Variants in R3HDM1 observed in about 807,000 individuals in gnomAD.
The protein encoded by R3HDM1 is R3H domain containing 1, also known as R3H domain-containing protein 1.
In R3HDM1, 46 loss-of-function variants were observed where a neutral mutation model predicts 141.1. That is an observed-to-expected ratio of 0.33 (90% CI 0.26 to 0.42). R3HDM1 has a LOEUF of 0.42. Ranked by LOEUF, R3HDM1 falls within the 10% of genes least tolerant of loss-of-function variation. The pLI, the probability that R3HDM1 is intolerant of heterozygous loss-of-function variation, is 1.00. For synonymous variants in R3HDM1, 435 were observed against 472.9 expected, an observed-to-expected ratio of 0.92 and a Z score of 1.04; for missense variants, 1,184 against 1,368.3, an observed-to-expected ratio of 0.87 and a Z score of 2.12.
At chr2:135,551,486 G>GA (rs57078486) in intron 1 of R3HDM1, among the ~76,000 whole-genome samples, 6,376 of 148,568 alleles carry the variant, frequency 0.043, 245 homozygotes, top group South Asian at 0.16. Context: ...AAACAATAAT[G>GA]AAAAAAAAAC....
intron 21 of R3HDM1, among the ~76,000 whole-genome samples, chr2:135,698,423 T>C (rs1027901964): frequency 3.9e-5 from 6 of 152,038 alleles, no homozygotes; most frequent in African/African-American, 1.4e-4. Flanking sequence ...CCTCCCAAAG[T>C]GCTGGGATTA....
At chr2:135,557,275 TC>T (rs956522282) in intron 1 of R3HDM1, among the ~76,000 whole-genome samples, 1 of 152,194 alleles carries the variant, frequency 6.6e-6, no homozygotes, top group Non-Finnish European at 1.5e-5. Flanking sequence ...ACTTTTTTTT[TC>T]CTTTTTACTG....
intron 1 of R3HDM1, among the ~76,000 whole-genome samples, chr2:135,567,258 G>A (rs149890699): frequency 1.3e-3 from 196 of 152,258 alleles, no homozygotes; most frequent in African/African-American, 3.6e-3. Flanking sequence ...GGTCCAGTTA[G>A]AGCCCAATAT....
chr2:135,695,947 C>T (rs943955397), intron 21 of R3HDM1, among the ~76,000 whole-genome samples: 12 of 152,126 alleles, frequency 7.9e-5, no homozygotes, highest in African/African-American at 2.7e-4. Flanking sequence ...ATATTTTTGT[C>T]CTTCTGACAA....
chr2:135,702,217 GAAAAAAAAAAAAAAAA>G (rs35183953), intron 21 of R3HDM1, among the ~76,000 whole-genome samples: 3 of 120,868 alleles, frequency 2.5e-5, no homozygotes, highest in Non-Finnish European at 4.6e-5. Context: ...GTCTCAGGGG[GAAAAAAAAAAAAAAAA>G]AAAAAAAGGC....
At chr2:135,648,348 A>G (rs559753523) in intron 16 of R3HDM1, among the ~76,000 whole-genome samples, 3 of 152,292 alleles carry the variant, frequency 2.0e-5, no homozygotes, top group African/African-American at 4.8e-5. Flanking sequence ...TCAAATCATT[A>G]TTATCTATCT....
At chr2:135,638,087 C>G (rs756756246) in intron 11 of R3HDM1, among the ~76,000 whole-genome samples, 1 of 152,154 alleles carries the variant, frequency 6.6e-6, no homozygotes, top group Non-Finnish European at 1.5e-5. Flanking sequence ...AAATTGACAT[C>G]TTAGAGAGAT....
At chr2:135,542,025 T>G (rs1697701657) in intron 1 of R3HDM1, among the ~76,000 whole-genome samples, 1 of 152,182 alleles carries the variant, frequency 6.6e-6, no homozygotes, top group Non-Finnish European at 1.5e-5. Context: ...ACAGGAAATT[T>G]ATTTGTTTCA....
At chr2:135,579,822 A>G (rs1041967555) in intron 1 of R3HDM1, among the ~76,000 whole-genome samples, 4 of 152,228 alleles carry the variant, frequency 2.6e-5, no homozygotes, top group African/African-American at 9.6e-5. Flanking sequence ...TGTTACATCA[A>G]TGTTAATTTT....
intron 1 of R3HDM1, among the ~76,000 whole-genome samples, chr2:135,575,828 A>AATT (rs1228584877): frequency 1.3e-5 from 2 of 152,224 alleles, no homozygotes; most frequent in African/African-American, 4.8e-5. Flanking sequence ...TAATTTCTGA[A>AATT]ATTAATGCAT....
intron 15 of R3HDM1, among the ~76,000 whole-genome samples, chr2:135,644,096 T>A (rs141828121): frequency 1.3e-3 from 191 of 152,340 alleles, no homozygotes; most frequent in African/African-American, 4.4e-3. Context: ...AACTTAAAAG[T>A]GAAATCACAC....
chr2:135,600,602 G>C (rs542765518), intron 1 of R3HDM1, among the ~76,000 whole-genome samples: 1 of 152,170 alleles, frequency 6.6e-6, no homozygotes, highest in Non-Finnish European at 1.5e-5. Flanking sequence ...AATATAACTG[G>C]CAGAGCTGGG....
Position 135,531,613 on chromosome 2 carries a change from T to G in R3HDM1, c.-270T>G, listed in dbSNP as rs969192925. The G allele has an allele frequency of 6.1e-6, 6 of 986,312 alleles. No homozygotes were observed. In the South Asian group the frequency reaches 1.4e-4, roughly 23 times the overall value. The allele number at this position is 986,312 out of a possible 1,614,324, so 61.1% of individuals were successfully genotyped here. A position where few individuals can be genotyped will look rare whatever the true frequency, so the allele number is the denominator to read the frequency against. On this transcript the variant is annotated 5_prime_UTR_variant, in exon 1 of 27. Coordinates refer to ENST00000683871, the MANE Select transcript of R3HDM1 (RefSeq NM_001378107.1). The stretch of plus-strand genomic sequence containing the variant: ...CCCGCCGCGCCGCGCTCCAACCGCC[T>G]CCTCCTCCTCAGTAACGCGGGTAAG...
At chr2:135,692,097 T>C (rs542625324) in intron 21 of R3HDM1, among the ~76,000 whole-genome samples, 2 of 151,988 alleles carry the variant, frequency 1.3e-5, no homozygotes, top group African/African-American at 4.8e-5. Context: ...GTTTTTAGTG[T>C]AGGCGGGGTT....
At chr2:135,628,774 C>T (rs886558479) in intron 7 of R3HDM1, among the ~76,000 whole-genome samples, 7 of 152,068 alleles carry the variant, frequency 4.6e-5, no homozygotes, top group Admixed American at 2.6e-4. Flanking sequence ...TACAGGCATG[C>T]GCCACCACGC....
chr2:135,663,221 A>G (rs1335008548), intron 19 of R3HDM1, among the ~76,000 whole-genome samples: 1 of 152,050 alleles, frequency 6.6e-6, no homozygotes, highest in Non-Finnish European at 1.5e-5. Context: ...TGTGACAGAT[A>G]GCATGTGTTT....
chr2:135,622,596 G>A, intron 6 of R3HDM1, 58 bp from the exon 7 acceptor site: 4 of 1,513,306 alleles, frequency 2.6e-6, no homozygotes, highest in East Asian at 2.4e-5. Context: ...TGTGTAAAAG[G>A]GAATGGGACT....
chr2:135,645,612 C>G, intron 16 of R3HDM1, 85 bp downstream of exon 16: 2 of 1,449,032 alleles, frequency 1.4e-6, no homozygotes, highest in Admixed American at 1.9e-5. Context: ...ATTGAGATAG[C>G]CTAAGTATCT....
At chr2:135,620,198 C>A (rs2061408888) in intron 5 of R3HDM1, 3 of 718,914 alleles carry the variant, frequency 4.2e-6, no homozygotes, top group Middle Eastern at 7.1e-4. Context: ...AGTGTGAAAT[C>A]TTTTCTCCCA....
Sources: gnomAD v4.1 joint callset for allele counts (sites outside exome capture counted in the v4.1 genomes callset) on GRCh38, gnomAD v4.1.1 for gene constraint, MANE v1.5 for transcripts, NCBI Gene and HGNC (gene_info 2026-07-23, HGNC 2026-07-21) for gene names.